Variants in ARF3 observed in about 807,000 individuals in gnomAD.
ARF3 encodes the protein ADP-ribosylation factor 3.
Under a neutral mutation model 19.3 loss-of-function variants are expected in ARF3, and 5 were observed. The ratio of observed to expected loss-of-function variants is 0.26; its 90% CI spans 0.14 to 0.54. The LOEUF is 0.54. Ranked by LOEUF, ARF3 falls within the 20% of genes least tolerant of loss-of-function variation. ARF3 has a pLI of 0.95. For synonymous variants in ARF3, 71 were observed against 89.2 expected, an observed-to-expected ratio of 0.80 and a Z score of 1.15; for missense variants, 77 against 234.2, an observed-to-expected ratio of 0.33 and a Z score of 4.38.
chr12:48,951,117 A>T, intron 1 of ARF3, among the ~76,000 whole-genome samples: 1 of 152,184 alleles, frequency 6.6e-6, no homozygotes, highest in African/African-American at 2.4e-5. Context: ...ATGTCTTGCT[A>T]TATGATTTAA....
intron 1 of ARF3, among the ~76,000 whole-genome samples, chr12:48,943,960 G>A (rs903889661): frequency 1.3e-5 from 2 of 152,152 alleles, no homozygotes; most frequent in Non-Finnish European, 2.9e-5. Flanking sequence ...GAGGACCCCT[G>A]AGCGACCTAC....
intron 1 of ARF3, chr12:48,955,950 C>T (rs1185766711): frequency 6.6e-6 from 1 of 152,170 alleles, no homozygotes; most frequent in Non-Finnish European, 1.5e-5. Flanking sequence ...TGAACTTTTA[C>T]AGACATGTTT....
rs779076940 is a variant in ARF3, at chr12:48,939,744, G to T, written c.295C>A (p.Arg99=). Residue 99 remains arginine, a synonymous_variant, in exon 4 of 5, where the codon CGA becomes AGA. Transcript: ENST00000256682. This position sits in a 1 kb window ranked among gnomAD's most constrained non-coding sequence, Gnocchi z 4.8. The part of the protein sequence containing the change: ...IFVVDSNDRE[R]VNEAREELMR... ...AGCTCTTCCCGGGCCTCATTTACTCGCTCCCGATCATTGCTGTCGACCACA... is the reference window on the plus strand; with the variant it reads ...AGCTCTTCCCGGGCCTCATTTACTCTCTCCCGATCATTGCTGTCGACCACA... 1.9e-6 allele frequency: 3 copies of T among 1,614,022 alleles called. No homozygotes were observed. The East Asian group carries it at 6.7e-5, about 36-fold the overall frequency.
intron 2 of ARF3, 94 bp from the exon 3 acceptor site, chr12:48,940,201 T>C (rs1336330878): frequency 9.9e-7 from 1 of 1,007,278 alleles, no homozygotes; most frequent in Non-Finnish European, 1.6e-6. Flanking sequence ...CCCCCAGTGG[T>C]GGCCATAACA....
rs557012935 is a variant in ARF3, at chr12:48,940,157, G to A, written c.149-50C>T. The A allele has an allele frequency of 7.6e-4, 1,094 of 1,445,184 alleles. 14 individuals carry two copies. In the South Asian group the frequency reaches 0.012, roughly 15 times the overall value. The allele number at this position is 1,445,184 out of a possible 1,614,324, so 89.5% of individuals were successfully genotyped here. A position where few individuals can be genotyped will look rare whatever the true frequency, so the allele number is the denominator to read the frequency against. Reference sequence around the variant, plus strand: ...CCACTTGGCCTCAAACACTAGCCCCGCAAACACCACCACAATGAGTTTGGT... The same window carrying A: ...CCACTTGGCCTCAAACACTAGCCCCACAAACACCACCACAATGAGTTTGGT... On this transcript the variant is annotated intron_variant, in intron 2 of 4. Transcript: ENST00000256682.
At position 48,941,170 on chromosome 12, in the gene ARF3, T is replaced by A; in HGVS notation, c.-75A>T. On this transcript the variant is annotated 5_prime_UTR_variant, in exon 2 of 5. Transcript: ENST00000256682. ...GGCAGTCTGGTTTTGGCCTGGTCCC[T>A]GGTATGGAAGACTTGATCCTAGACA... 2 of 1,478,622 alleles carry A rather than the reference T, an allele frequency of 1.4e-6. No homozygotes were observed. The highest frequency in any genetic ancestry group is 2.6e-5 in the South Asian group (2 of 77,888). 91.6% of individuals were successfully genotyped at this position (1,478,622 alleles called of 1,614,324 possible). A position where few individuals can be genotyped will look rare whatever the true frequency, so the allele number is the denominator to read the frequency against.
Position 48,938,677 on chromosome 12 carries a change from G to C in ARF3, c.*270C>G. 2.1e-6 allele frequency: 1 copy of C among 475,878 alleles called. No homozygotes were observed. Among genetic ancestry groups the C allele is most frequent in the Non-Finnish European group, 3.9e-6 (1 of 255,486 alleles). 29.5% of individuals were successfully genotyped at this position (475,878 alleles called of 1,614,324 possible). A position where few individuals can be genotyped will look rare whatever the true frequency, so the allele number is the denominator to read the frequency against. On this transcript the variant is annotated 3_prime_UTR_variant, in exon 5 of 5. Coordinates refer to ENST00000256682, the MANE Select transcript of ARF3 (RefSeq NM_001659.3). ...CCCGAAACCCAGAGGGTGAGAGAGA[G>C]AGGGGCCACCCCATGAAACCGTAAC...
chr12:48,940,129 TG>T (rs778671438), intron 2 of ARF3, 22 bp from the exon 3 acceptor site: 2 of 1,597,540 alleles, frequency 1.3e-6, no homozygotes, highest in South Asian at 2.2e-5. Context: ...AAACAGGCAA[TG>T]GCCACTTGGC....
At chr12:48,946,202 C>T (rs1186594483) in intron 1 of ARF3, among the ~76,000 whole-genome samples, 1 of 152,198 alleles carries the variant, frequency 6.6e-6, no homozygotes, top group African/African-American at 2.4e-5. Flanking sequence ...CTTGCTAATA[C>T]CAGAGAGCAT....
At chr12:48,950,855 G>A (rs916686416) in intron 1 of ARF3, among the ~76,000 whole-genome samples, 28 of 151,596 alleles carry the variant, frequency 1.8e-4, no homozygotes, top group Admixed American at 1.6e-3. Flanking sequence ...GCGCAATCTC[G>A]GCTCACTGCA....
intron 1 of ARF3, among the ~76,000 whole-genome samples, chr12:48,942,580 CACA>C (rs978787076): frequency 3.9e-5 from 6 of 152,196 alleles, no homozygotes; most frequent in Admixed American, 1.3e-4. Context: ...TACTTTTCTT[CACA>C]ACATTTATCA....
chr12:48,954,337 C>A (rs1005453796), intron 1 of ARF3, among the ~76,000 whole-genome samples: 1 of 152,232 alleles, frequency 6.6e-6, no homozygotes, highest in Non-Finnish European at 1.5e-5. Flanking sequence ...CATCCCTCTA[C>A]ACAAGCACCT....
chr12:48,939,954 T>G lies in ARF3; in HGVS notation c.259+43A>C, dbSNP rs200366000. The G allele has an allele frequency of 1.6e-5, 26 of 1,596,560 alleles. No individual in the cohort carries two copies. The highest frequency in any genetic ancestry group is 1.7e-5 in the Non-Finnish European group (20 of 1,164,338). ...CACCCATTAACAAAGACAGCCACAC[T>G]CTCTGCTCATACCCAACCAACCCAC... On this transcript the variant is annotated intron_variant, in intron 3 of 4. Transcript: ENST00000256682. The surrounding 1 kb of genome is among the most constrained non-coding windows in gnomAD (Gnocchi z 4.8).
At chr12:48,955,787 T>C (rs991134504) in intron 1 of ARF3, 6 of 152,212 alleles carry the variant, frequency 3.9e-5, no homozygotes, top group African/African-American at 9.7e-5. Context: ...TAGACAACTA[T>C]AAAAATTCTA....
At chr12:48,951,930 A>C (rs951701081) in intron 1 of ARF3, among the ~76,000 whole-genome samples, 2 of 152,062 alleles carry the variant, frequency 1.3e-5, no homozygotes, top group African/African-American at 4.8e-5. Context: ...AATAGCGGGC[A>C]GAAAAGCAGG....
At chr12:48,944,668 T>C (rs1287928917) in intron 1 of ARF3, among the ~76,000 whole-genome samples, 1 of 152,252 alleles carries the variant, frequency 6.6e-6, no homozygotes, top group Non-Finnish European at 1.5e-5. Context: ...TTCTGTCCAG[T>C]AGGATTTGGT....
intron 1 of ARF3, among the ~76,000 whole-genome samples, chr12:48,955,478 T>C (rs1337621838): frequency 6.6e-6 from 1 of 152,228 alleles, no homozygotes; most frequent in Non-Finnish European, 1.5e-5. Context: ...TTTTGGGTCT[T>C]AAGTTTCCAT....
At chr12:48,945,870 G>A (rs993483884) in intron 1 of ARF3, among the ~76,000 whole-genome samples, 2 of 152,108 alleles carry the variant, frequency 1.3e-5, no homozygotes, top group Admixed American at 1.3e-4. Flanking sequence ...AGAGGCAGAG[G>A]TTGCTCACTG....
chr12:48,943,060 T>C (rs1205634721), intron 1 of ARF3, among the ~76,000 whole-genome samples: 1 of 152,138 alleles, frequency 6.6e-6, no homozygotes, highest in East Asian at 1.9e-4. Flanking sequence ...TGAGCCGAGA[T>C]CACGCCACTG....
Sources: gnomAD v4.1 joint callset for allele counts (sites outside exome capture counted in the v4.1 genomes callset) on GRCh38, gnomAD v4.1.1 for gene constraint, Gnocchi (gnomAD v3.1) non-coding constraint, MANE v1.5 for transcripts, NCBI Gene and HGNC (gene_info 2026-07-23, HGNC 2026-07-21) for gene names.